The following COLEC11 variants were observed in gnomAD, a reference collection of about 807,000 sequenced individuals.
COLEC11 encodes the protein collectin-11.
In COLEC11, 20 loss-of-function variants were observed where a neutral mutation model predicts 27.3. That is an observed-to-expected ratio of 0.73 (90% CI 0.51 to 1.06). COLEC11 has a LOEUF of 1.06. Ranked by LOEUF, COLEC11 falls within the 50% of genes least tolerant of loss-of-function variation. COLEC11 has a pLI of 0.00. For missense variants in COLEC11, 310 were observed against 383.0 expected, an observed-to-expected ratio of 0.81 and a Z score of 1.59; for synonymous variants, 163 against 154.7, an observed-to-expected ratio of 1.05 and a Z score of -0.40.
chr2:3,641,989 C>T (rs1023128413), intron 5 of COLEC11, among the ~76,000 whole-genome samples: 1 of 152,178 alleles, frequency 6.6e-6, no homozygotes, highest in Non-Finnish European at 1.5e-5. Context: ...ACCACGGAGG[C>T]GATGACCAGG....
chr2:3,643,343 T>G, intron 5 of COLEC11, 101 bp from the exon 6 acceptor site: 2 of 990,914 alleles, frequency 2.0e-6, no homozygotes, highest in Non-Finnish European at 3.2e-6. Context: ...GTGGGGCACG[T>G]TTGTTGAGTA....
At chr2:3,596,655 A>G (rs1661859149) in intron 1 of COLEC11, among the ~76,000 whole-genome samples, 1 of 152,138 alleles carries the variant, frequency 6.6e-6, no homozygotes, top group Admixed American at 6.5e-5. Flanking sequence ...TATTTCATTC[A>G]TAACATGTAT....
chr2:3,600,928 T>G (rs1180854630), intron 1 of COLEC11, among the ~76,000 whole-genome samples: 1 of 152,206 alleles, frequency 6.6e-6, no homozygotes, highest in East Asian at 1.9e-4. Context: ...AGCAGGACAA[T>G]GCCCGGCCCC....
intron 3 of COLEC11, among the ~76,000 whole-genome samples, chr2:3,616,796 T>G (rs1459637169): frequency 6.9e-6 from 1 of 144,386 alleles, no homozygotes; most frequent in East Asian, 1.9e-4. Context: ...AGGGAGACCG[T>G]GGGGAGAGGG....
At chr2:3,601,519 C>T (rs1475790199) in intron 1 of COLEC11, among the ~76,000 whole-genome samples, 1 of 152,192 alleles carries the variant, frequency 6.6e-6, no homozygotes, top group East Asian at 1.9e-4. Flanking sequence ...ATCTCAAACT[C>T]CTGGACTCAA....
At chr2:3,610,696 C>T (rs1232305654) in intron 2 of COLEC11, among the ~76,000 whole-genome samples, 1 of 152,182 alleles carries the variant, frequency 6.6e-6, no homozygotes, top group Non-Finnish European at 1.5e-5. Flanking sequence ...GTCTGTGCAC[C>T]TGCTGACCCT....
chr2:3,610,454 G>A (rs766381171), intron 2 of COLEC11, among the ~76,000 whole-genome samples: 1 of 152,168 alleles, frequency 6.6e-6, no homozygotes, highest in Admixed American at 6.5e-5. Flanking sequence ...TCAGCCAGTG[G>A]GAGAAAGAGC....
At chr2:3,627,088 C>T (rs539584197) in intron 3 of COLEC11, among the ~76,000 whole-genome samples, 14 of 152,264 alleles carry the variant, frequency 9.2e-5, no homozygotes, top group African/African-American at 2.4e-4. Flanking sequence ...CCCTGATGAC[C>T]GGTCACGAAC....
At chr2:3,641,511 G>T (rs1193105714) in intron 5 of COLEC11, 3 of 1,045,888 alleles carry the variant, frequency 2.9e-6, no homozygotes, top group East Asian at 1.2e-4. Flanking sequence ...CTTGGTCAGA[G>T]TTTGGAGGTT....
intron 3 of COLEC11, among the ~76,000 whole-genome samples, chr2:3,622,035 G>A (rs996815058): frequency 1.3e-5 from 2 of 151,916 alleles, no homozygotes; most frequent in African/African-American, 4.8e-5. Flanking sequence ...AAATTAGCCG[G>A]GTGCTCGCCT....
chr2:3,634,379 G>C (rs1488848768), intron 3 of COLEC11, among the ~76,000 whole-genome samples: 1 of 152,186 alleles, frequency 6.6e-6, no homozygotes, highest in Non-Finnish European at 1.5e-5. Context: ...TTCTATGGGC[G>C]CAAAACCAGG....
chr2:3,595,567 G>C (rs949271972), intron 1 of COLEC11, among the ~76,000 whole-genome samples: 19 of 152,218 alleles, frequency 1.2e-4, no homozygotes, highest in African/African-American at 4.6e-4. Context: ...GCGTCTGACG[G>C]GCCAGGCGGA....
intron 3 of COLEC11, among the ~76,000 whole-genome samples, chr2:3,616,585 C>G (rs1020972498): frequency 6.6e-6 from 1 of 152,250 alleles, no homozygotes. Flanking sequence ...AGCGAAACCC[C>G]GTCTCCACCA....
chr2:3,634,127 G>GAC (rs929510408), intron 3 of COLEC11, among the ~76,000 whole-genome samples: 1 of 152,070 alleles, frequency 6.6e-6, no homozygotes, highest in African/African-American at 2.4e-5. Context: ...TTTGGTGGGG[G>GAC]ACACAGTTCC....
In COLEC11 at chr2:3,613,309, AGGGGATGC is replaced by A; in HGVS notation, c.133_140del (p.Asp45ArgfsTer44). 6.2e-7 allele frequency: 1 copy of A among 1,609,186 alleles called. No individual in the cohort carries two copies. The highest frequency in any genetic ancestry group is 1.1e-5 in the South Asian group (1 of 89,844). Reference sequence around the variant, plus strand: ...GCTAAATGGATGTGACTTCTTCCACAGGGGATGCGGGAGAGAAGGGAGACAAAGGCGCC... The same window carrying A: ...GCTAAATGGATGTGACTTCTTCCACAGGGAGAGAAGGGAGACAAAGGCGCC... On this transcript the variant is annotated splice_acceptor_variant and coding_sequence_variant, in exon 3 of 7. Transcript: ENST00000349077. LOFTEE classifies it high-confidence loss of function.
intron 4 of COLEC11, among the ~76,000 whole-genome samples, chr2:3,640,039 C>T (rs991302809): frequency 4.6e-5 from 7 of 152,170 alleles, no homozygotes; most frequent in African/African-American, 1.7e-4. Flanking sequence ...TTTTCCAGAA[C>T]TGATTTAAAG....
chr2:3,598,824 G>A (rs1438810313), intron 1 of COLEC11, among the ~76,000 whole-genome samples: 3 of 152,082 alleles, frequency 2.0e-5, no homozygotes, highest in Non-Finnish European at 2.9e-5. Context: ...AGTTGGGGCC[G>A]ATTGTTCAAC....
At chr2:3,632,708 G>A (rs1049953611) in intron 3 of COLEC11, among the ~76,000 whole-genome samples, 2 of 152,194 alleles carry the variant, frequency 1.3e-5, no homozygotes, top group Non-Finnish European at 2.9e-5. Flanking sequence ...AAATCAGCGT[G>A]TACGTGTGGA....
intron 3 of COLEC11, among the ~76,000 whole-genome samples, chr2:3,618,809 C>T (rs943317518): frequency 9.2e-5 from 14 of 152,230 alleles, no homozygotes; most frequent in South Asian, 2.1e-4. Context: ...TTTTGATCCA[C>T]GAACAGATAT....
Sources: gnomAD v4.1 joint callset for allele counts (sites outside exome capture counted in the v4.1 genomes callset) on GRCh38, gnomAD v4.1.1 for gene constraint, MANE v1.5 for transcripts, NCBI Gene and HGNC (gene_info 2026-07-23, HGNC 2026-07-21) for gene names.